Variants in METTL24 observed in about 807,000 individuals in gnomAD.
The protein encoded by METTL24 is probable methyltransferase-like protein 24.
METTL24 carries 29 observed loss-of-function variants against 32.7 expected under a neutral mutation model. The observed-to-expected ratio is 0.89, with a 90% CI of 0.66 to 1.21. The LOEUF (loss-of-function observed/expected upper bound fraction) is 1.21, where lower values mean the gene tolerates loss of function less well. Ranked by LOEUF, METTL24 falls within the 50% of genes most tolerant of loss-of-function variation. The probability of loss-of-function intolerance (pLI) is 0.00; values close to 1 mark genes in which losing one functional copy is unlikely to be tolerated. For missense variants in METTL24, 439 were observed against 468.1 expected, an observed-to-expected ratio of 0.94 and a Z score of 0.57; for synonymous variants, 163 against 179.5, an observed-to-expected ratio of 0.91 and a Z score of 0.73.
intron 3 of METTL24, among the ~76,000 whole-genome samples, chr6:110,314,502 T>C (rs1212285656): frequency 6.6e-6 from 1 of 152,352 alleles, no homozygotes; most frequent in South Asian, 2.1e-4. Flanking sequence ...TAACTCGATA[T>C]CAATTTTTCT....
At chr6:110,282,032 T>C (rs1446066785) in intron 4 of METTL24, among the ~76,000 whole-genome samples, 1 of 152,092 alleles carries the variant, frequency 6.6e-6, no homozygotes, top group Non-Finnish European at 1.5e-5. Context: ...GATCACTAAA[T>C]AACAAGATGC....
intron 1 of METTL24, among the ~76,000 whole-genome samples, chr6:110,330,125 C>T (rs1462956495): frequency 6.6e-6 from 1 of 152,222 alleles, no homozygotes; most frequent in Non-Finnish European, 1.5e-5. Context: ...GGGCGTCTCC[C>T]GATGCTCAGG....
intron 1 of METTL24, among the ~76,000 whole-genome samples, chr6:110,333,332 C>T (rs1175760580): frequency 6.6e-6 from 1 of 152,104 alleles, no homozygotes; most frequent in Non-Finnish European, 1.5e-5. Flanking sequence ...ACATAAAAGC[C>T]ACCAGTTTGC....
chr6:110,295,785 G>GA (rs372380343), intron 4 of METTL24, among the ~76,000 whole-genome samples: 4,287 of 144,180 alleles, frequency 0.03, 233 homozygotes, highest in African/African-American at 0.11. Flanking sequence ...GGAAAGAAAA[G>GA]AAAGAAAGAA....
intron 3 of METTL24, among the ~76,000 whole-genome samples, chr6:110,305,728 G>A (rs1771615693): frequency 6.6e-6 from 1 of 151,994 alleles, no homozygotes; most frequent in East Asian, 1.9e-4. Flanking sequence ...ACTGTTGGTG[G>A]GAGTGTAAAT....
At chr6:110,326,814 C>T (rs1268120260) in intron 1 of METTL24, among the ~76,000 whole-genome samples, 1 of 152,232 alleles carries the variant, frequency 6.6e-6, no homozygotes, top group Non-Finnish European at 1.5e-5. Context: ...TCTCCTGCCT[C>T]CTGTTGGCCA....
intron 4 of METTL24, among the ~76,000 whole-genome samples, chr6:110,248,010 G>T (rs1457713112): frequency 6.6e-6 from 1 of 152,164 alleles, no homozygotes; most frequent in African/African-American, 2.4e-5. Context: ...GAGATAGTGA[G>T]TGAGCTCTAG....
At chr6:110,278,954 G>A (rs1285428268) in intron 4 of METTL24, among the ~76,000 whole-genome samples, 1 of 152,176 alleles carries the variant, frequency 6.6e-6, no homozygotes, top group Non-Finnish European at 1.5e-5. Flanking sequence ...CCCAGGAGGT[G>A]AAGGCTGCAG....
chr6:110,332,899 A>G (rs1582431811), intron 1 of METTL24, among the ~76,000 whole-genome samples: 1 of 151,788 alleles, frequency 6.6e-6, no homozygotes, highest in South Asian at 2.1e-4. Flanking sequence ...ACAGAAGGAC[A>G]ACATTTATCG....
rs114510373 is a variant in METTL24, at chr6:110,256,583, G to A, written c.787-10323C>T. Among the ~76,000 whole-genome samples, 473 of 152,158 alleles carry A rather than the reference G, an allele frequency of 3.1e-3. 4 individuals carry two copies. The highest frequency in any genetic ancestry group is 0.011 in the African/African-American group (453 of 41,500). On this transcript the variant is annotated intron_variant, in intron 4 of 4. Coordinates refer to ENST00000338882, the MANE Select transcript of METTL24 (RefSeq NM_001123364.3). ...CAGGTATGATATCCTATCAGATAAC[G>A]AGTCCCACCTATTCTGCCTCCATAA...
intron 3 of METTL24, among the ~76,000 whole-genome samples, chr6:110,302,782 C>A (rs1168291576): frequency 6.6e-6 from 1 of 151,946 alleles, no homozygotes; most frequent in Non-Finnish European, 1.5e-5. Context: ...CATATGTTTT[C>A]TATTTAAACT....
intron 3 of METTL24, among the ~76,000 whole-genome samples, chr6:110,302,833 G>A (rs1324503634): frequency 6.6e-6 from 1 of 152,056 alleles, no homozygotes; most frequent in Non-Finnish European, 1.5e-5. Flanking sequence ...AAATACTCAA[G>A]TTGTAAGAAG....
intron 4 of METTL24, among the ~76,000 whole-genome samples, chr6:110,250,740 C>T (rs1010198835): frequency 2.0e-5 from 3 of 152,196 alleles, no homozygotes; most frequent in African/African-American, 7.2e-5. Context: ...ACTGCTCTGA[C>T]CTCGCCAAGT....
At chr6:110,291,296 A>G (rs1479342267) in intron 4 of METTL24, among the ~76,000 whole-genome samples, 3 of 152,104 alleles carry the variant, frequency 2.0e-5, no homozygotes, top group Admixed American at 2.0e-4. Context: ...ATTTTCTCCT[A>G]TGTTTTCTTC....
At chr6:110,319,436 G>GATAT (rs939022993) in intron 2 of METTL24, among the ~76,000 whole-genome samples, 22 of 151,940 alleles carry the variant, frequency 1.4e-4, no homozygotes, top group African/African-American at 5.3e-4. Flanking sequence ...TAGATAGATA[G>GATAT]ATAGATAGAT....
intron 3 of METTL24, among the ~76,000 whole-genome samples, chr6:110,300,260 G>C (rs567460859): frequency 6.6e-6 from 1 of 152,090 alleles, no homozygotes; most frequent in Admixed American, 6.6e-5. Flanking sequence ...GGTATCCGTT[G>C]GTGGGGAGAG....
rs116159086 is a variant in METTL24 at position 110,272,824 on chromosome 6, T to G, written c.786+26098A>C. ...ACCCACTGTTTGATGGGATTTTTTTTTCCTTGCTGATTTGAGTTCCTTGTA... is the reference window on the plus strand; with the variant it reads ...ACCCACTGTTTGATGGGATTTTTTTGTCCTTGCTGATTTGAGTTCCTTGTA... On this transcript the variant is annotated intron_variant, in intron 4 of 4. Transcript: ENST00000338882. Among the ~76,000 whole-genome samples the G allele has an allele frequency of 3.6e-3, 550 of 152,308 alleles. 4 individuals are homozygous for G. The highest frequency in any genetic ancestry group is 0.011 in the African/African-American group (476 of 41,574).
At chr6:110,272,430 G>T (rs934156009) in intron 4 of METTL24, among the ~76,000 whole-genome samples, 3 of 151,914 alleles carry the variant, frequency 2.0e-5, no homozygotes, top group Non-Finnish European at 4.4e-5. Flanking sequence ...TGCCATAAAT[G>T]TGTGTGCATG....
At chr6:110,261,890 C>T (rs1770738711) in intron 4 of METTL24, among the ~76,000 whole-genome samples, 1 of 152,130 alleles carries the variant, frequency 6.6e-6, no homozygotes, top group Non-Finnish European at 1.5e-5. Context: ...GAAATGAAGG[C>T]AGAAATAAAG....
Sources: allele counts gnomAD v4.1 joint callset (sites outside exome capture counted in the v4.1 genomes callset), GRCh38; gene constraint gnomAD v4.1.1; transcripts MANE v1.5; gene names NCBI Gene and HGNC (gene_info 2026-07-23, HGNC 2026-07-21).